Variants in DPP6 observed in about 807,000 individuals in gnomAD.
DPP6 encodes the protein A-type potassium channel modulatory protein DPP6.
A neutral mutation model predicts 122.6 loss-of-function variants in DPP6; 69 were observed. That is an observed-to-expected ratio of 0.56 (90% CI 0.46 to 0.69). The LOEUF (loss-of-function observed/expected upper bound fraction) is 0.69. Among genes scored for constraint, DPP6 ranks in the 30% least tolerant of loss-of-function variants. The pLI is 0.00. For missense variants in DPP6, 928 were observed against 1,116.9 expected, an observed-to-expected ratio of 0.83 and a Z score of 2.41; for synonymous variants, 418 against 433.1, an observed-to-expected ratio of 0.97 and a Z score of 0.43.
chr7:154,691,553 C>T (rs905134278), intron 7 of DPP6, among the ~76,000 whole-genome samples: 1 of 152,194 alleles, frequency 6.6e-6, no homozygotes, highest in African/African-American at 2.4e-5. Context: ...CGCGGTGGCT[C>T]ACTCCTGTAA....
intron 1 of DPP6, among the ~76,000 whole-genome samples, chr7:153,890,392 A>G (rs1030333870): frequency 2.0e-5 from 3 of 152,230 alleles, no homozygotes; most frequent in African/African-American, 7.2e-5. Flanking sequence ...GCTCGCTGAC[A>G]TCCACATTGT....
chr7:154,151,650 C>T (rs138494220), intron 1 of DPP6, among the ~76,000 whole-genome samples: 1,864 of 152,230 alleles, frequency 0.012, 21 homozygotes, highest in African/African-American at 0.042. Context: ...CCTCAGGGAC[C>T]AGCTGTGAAG....
rs554151140 is a variant in DPP6 at position 154,882,675 on chromosome 7, G to A, written c.2133+1733G>A. 6.6e-5 allele frequency among the ~76,000 whole-genome samples: 10 copies of A among 151,514 alleles called. No individual in the cohort carries two copies. The East Asian group carries it at 1.2e-3, about 18-fold the overall frequency. On this transcript the variant is annotated intron_variant, in intron 21 of 25. Coordinates refer to ENST00000377770, the MANE Select transcript of DPP6 (RefSeq NM_130797.4). ...GTTCTGCAGTTTCCCCCCCGACACCGAAAATCCCCCCTGCAGAAGATTGCC... is the reference window on the plus strand; with the variant it reads ...GTTCTGCAGTTTCCCCCCCGACACCAAAAATCCCCCCTGCAGAAGATTGCC...
the DPP6 span, among the ~76,000 whole-genome samples, chr7:153,816,085 A>G: frequency 1.3e-5 from 2 of 152,042 alleles, no homozygotes; most frequent in Non-Finnish European, 2.9e-5. Flanking sequence ...GAAACTAAGA[A>G]AAATAGAAAA....
At chr7:153,818,910 C>T in the DPP6 span, among the ~76,000 whole-genome samples, 1 of 151,758 alleles carries the variant, frequency 6.6e-6, no homozygotes, top group African/African-American at 2.4e-5. Context: ...TGCCACCACG[C>T]TTGGCTAATT....
the DPP6 span, among the ~76,000 whole-genome samples, chr7:153,769,568 C>G: frequency 6.6e-6 from 1 of 152,178 alleles, no homozygotes; most frequent in Admixed American, 6.5e-5. Flanking sequence ...ATGAATGTCT[C>G]TAGCTCTGGA....
intron 1 of DPP6, among the ~76,000 whole-genome samples, chr7:154,364,261 A>G (rs2151103997): frequency 6.6e-6 from 1 of 152,292 alleles, no homozygotes; most frequent in East Asian, 1.9e-4. Context: ...CACCATACTC[A>G]CATGGATGAT....
At chr7:153,906,010 G>A (rs1053908889) in intron 1 of DPP6, among the ~76,000 whole-genome samples, 7 of 152,312 alleles carry the variant, frequency 4.6e-5, no homozygotes, top group African/African-American at 1.4e-4. Context: ...ACAAACGGAA[G>A]TGTTACACAG....
chr7:153,931,332 A>G (rs1027889890), intron 1 of DPP6, among the ~76,000 whole-genome samples: 2 of 151,336 alleles, frequency 1.3e-5, no homozygotes, highest in Admixed American at 6.6e-5. Context: ...TTTAAGAAGA[A>G]AAAAAAAAGG....
At chr7:154,739,603 G>A (rs763894817) in intron 8 of DPP6, among the ~76,000 whole-genome samples, 2 of 152,174 alleles carry the variant, frequency 1.3e-5, no homozygotes, top group African/African-American at 4.8e-5. Flanking sequence ...GGTGTGTAAC[G>A]TTTTATTGTT....
intron 3 of DPP6, among the ~76,000 whole-genome samples, chr7:154,491,522 C>A (rs1489348016): frequency 6.6e-6 from 1 of 152,132 alleles, no homozygotes; most frequent in Non-Finnish European, 1.5e-5. Flanking sequence ...TGTTCTCTTC[C>A]CATCATCTTC....
At position 154,020,749 on chromosome 7, in the gene DPP6, T is replaced by TG. The variant is rs141748704; in HGVS notation, c.51+133019dup. Among the ~76,000 whole-genome samples, 321 of 152,112 alleles carry TG rather than the reference T, an allele frequency of 2.1e-3. 3 individuals are homozygous for TG. The highest frequency in any genetic ancestry group is 7.3e-3 in the African/African-American group (301 of 41,504). On this transcript the variant is annotated intron_variant, in intron 1 of 25. Coordinates refer to the DPP6 transcript ENST00000404039. Reference sequence around the variant, plus strand: ...GATCAGAGACCTGCTATGTAACACATGGGGCAAGTGCAAGAGTGAAAGGAG... The same window carrying TG: ...GATCAGAGACCTGCTATGTAACACATGGGGGCAAGTGCAAGAGTGAAAGGAG...
chr7:154,719,417 G>A (rs2131336302), intron 7 of DPP6, among the ~76,000 whole-genome samples: 1 of 152,248 alleles, frequency 6.6e-6, no homozygotes, highest in South Asian at 2.1e-4. Context: ...GGAACTCAAA[G>A]GGAAAATGAC....
At chr7:154,142,036 T>A (rs1795872605) in intron 1 of DPP6, among the ~76,000 whole-genome samples, 1 of 152,214 alleles carries the variant, frequency 6.6e-6, no homozygotes, top group Non-Finnish European at 1.5e-5. Flanking sequence ...GTTTATGCAA[T>A]TAATTAGGCA....
intron 1 of DPP6, among the ~76,000 whole-genome samples, chr7:153,986,795 C>T (rs1796868886): frequency 6.6e-6 from 1 of 151,730 alleles, no homozygotes. Context: ...GAAAACCAGG[C>T]AAGTGATTTG....
chr7:154,344,264 C>A (rs965402742), intron 1 of DPP6, among the ~76,000 whole-genome samples: 8 of 152,092 alleles, frequency 5.3e-5, no homozygotes, highest in Admixed American at 5.2e-4. Context: ...CTCTCAATAA[C>A]AATAAGGTAA....
At chr7:154,543,520 A>G (rs1204448444) in intron 4 of DPP6, among the ~76,000 whole-genome samples, 4 of 152,228 alleles carry the variant, frequency 2.6e-5, no homozygotes, top group Non-Finnish European at 5.9e-5. Flanking sequence ...AGCTTTTAAG[A>G]TAGCTGGTGA....
intron 1 of DPP6, among the ~76,000 whole-genome samples, chr7:154,067,656 A>T (rs1450682172): frequency 6.6e-6 from 1 of 152,174 alleles, no homozygotes; most frequent in African/African-American, 2.4e-5. Flanking sequence ...GGAAGCAGAC[A>T]CGTGAGATTT....
At chr7:153,851,631 C>G in the DPP6 span, among the ~76,000 whole-genome samples, 2 of 151,994 alleles carry the variant, frequency 1.3e-5, no homozygotes, top group South Asian at 4.2e-4. Context: ...TTACTTATAT[C>G]TTGGTGTCCT....
Sources: gnomAD v4.1 joint callset for allele counts (sites outside exome capture counted in the v4.1 genomes callset) on GRCh38, gnomAD v4.1.1 for gene constraint, MANE v1.5 for transcripts, NCBI Gene and HGNC (gene_info 2026-07-23, HGNC 2026-07-21) for gene names.